The following JAK2 variants were observed in gnomAD, a reference collection of about 807,000 sequenced individuals.
The protein encoded by JAK2 is tyrosine-protein kinase JAK2.
Under a neutral mutation model 139.3 loss-of-function variants are expected in JAK2, and 86 were observed. The ratio of observed to expected loss-of-function variants is 0.62; its 90% CI spans 0.52 to 0.74. JAK2 has a LOEUF of 0.74. Among genes scored for constraint, JAK2 ranks in the 30% least tolerant of loss-of-function variants. The pLI, the probability that JAK2 is intolerant of heterozygous loss-of-function variation, is 0.00. For missense variants in JAK2, 1,421 were observed against 1,360.3 expected (o/e 1.04, Z -0.70); for synonymous variants, 490 against 437.7 (o/e 1.12, Z -1.49).
intron 19 of JAK2, chr9:5,085,068 GCT>G (rs562519240): frequency 1.1e-5 from 8 of 698,642 alleles, no homozygotes; most frequent in Non-Finnish European, 1.8e-5. Flanking sequence ...GAAGTTTACT[GCT>G]CTCTCTTATT....
chr9:5,069,555 G>A (rs1426835464), intron 11 of JAK2, among the ~76,000 whole-genome samples: 2 of 152,016 alleles, frequency 1.3e-5, no homozygotes, highest in South Asian at 2.1e-4. Context: ...TAAAAATAAA[G>A]ACAGTAAAGT....
At chr9:5,038,459 A>T (rs1203241384) in intron 4 of JAK2, among the ~76,000 whole-genome samples, 2 of 152,176 alleles carry the variant, frequency 1.3e-5, no homozygotes, top group Non-Finnish European at 2.9e-5. Flanking sequence ...TCAGACAAAG[A>T]TGTCTAGAAG....
In JAK2 at chr9:5,121,122, T is replaced by C. The variant is rs1433175564; in HGVS notation, c.3060-1882T>C. Among the ~76,000 whole-genome samples the C allele has an allele frequency of 5.3e-5, 8 of 152,162 alleles. No individual in the cohort carries two copies. In the East Asian group the frequency reaches 1.5e-3, roughly 29 times the overall value. On this transcript the variant is annotated intron_variant, in intron 22 of 24. Coordinates refer to ENST00000381652, the MANE Select transcript of JAK2 (RefSeq NM_004972.4). Reference sequence around the variant, plus strand: ...AAGAGGCAGAATAGTAGTAGTAGTGTTGGGAAAGTATAATTGAAAACAAAA... The same window carrying C: ...AAGAGGCAGAATAGTAGTAGTAGTGCTGGGAAAGTATAATTGAAAACAAAA...
intron 22 of JAK2, chr9:5,099,281 G>C (rs1229336726): frequency 6.6e-6 from 1 of 152,068 alleles, no homozygotes; most frequent in Non-Finnish European, 1.5e-5. Flanking sequence ...TATTGTCCTA[G>C]AACTAATCCT....
At chr9:4,987,855 G>A (rs1010670245) in intron 2 of JAK2, among the ~76,000 whole-genome samples, 1 of 152,150 alleles carries the variant, frequency 6.6e-6, no homozygotes, top group Non-Finnish European at 1.5e-5. Context: ...TAAACTGCCT[G>A]GCTGTCATAA....
In JAK2 at chr9:5,055,749, C is replaced by G. The variant is rs1449120929; in HGVS notation, c.1017C>G (p.Ser339Arg). 1.9e-6 allele frequency: 3 copies of G among 1,610,326 alleles called. No homozygotes were observed. The highest frequency in any genetic ancestry group is 2.5e-6 in the Non-Finnish European group (3 of 1,177,496). The stretch of plus-strand genomic sequence containing the variant: ...CAAACCAAGAGGGTTCAAATGAAAG[C>G]CGAGTTGTAACTATCCATAAGCAAG... ...KQANQEGSNE[S>R]RVVTIHKQDG... The change falls in exon 8 of 25, where the codon AGC becomes AGG. Residue 339 changes from serine to arginine, a missense_variant. By Grantham distance (110) the Ser-to-Arg change is moderately radical. Transcript: ENST00000381652.
intron 22 of JAK2, among the ~76,000 whole-genome samples, chr9:5,105,116 A>T (rs1821845166): frequency 6.6e-6 from 1 of 152,224 alleles, no homozygotes; most frequent in South Asian, 2.1e-4. Flanking sequence ...AGGAAGTCAA[A>T]TTGTCCCTGT....
At chr9:5,036,576 A>T (rs1459832823) in intron 4 of JAK2, among the ~76,000 whole-genome samples, 1 of 152,236 alleles carries the variant, frequency 6.6e-6, no homozygotes, top group Non-Finnish European at 1.5e-5. Flanking sequence ...CAACCATCTG[A>T]TCTTTGACAA....
At chr9:5,060,329 A>G (rs1818078310) in intron 8 of JAK2, among the ~76,000 whole-genome samples, 1 of 152,106 alleles carries the variant, frequency 6.6e-6, no homozygotes, top group Admixed American at 6.6e-5. Context: ...TAGACTCTTC[A>G]TTTCGTTAAA....
At chr9:5,015,086 T>C (rs1241342192) in intron 2 of JAK2, among the ~76,000 whole-genome samples, 2 of 152,248 alleles carry the variant, frequency 1.3e-5, no homozygotes, top group Non-Finnish European at 2.9e-5. Flanking sequence ...TTTTAAGATT[T>C]ATCCATGTTG....
chr9:5,110,011 T>C (rs1273325250), intron 22 of JAK2: 1 of 152,234 alleles, frequency 6.6e-6, no homozygotes, highest in Admixed American at 6.5e-5. Flanking sequence ...ATTGGTTTTA[T>C]TTTAGTTATA....
At chr9:4,988,116 C>G (rs1307272093) in intron 2 of JAK2, among the ~76,000 whole-genome samples, 1 of 152,176 alleles carries the variant, frequency 6.6e-6, no homozygotes, top group Non-Finnish European at 1.5e-5. Flanking sequence ...GTTAACTGTG[C>G]TAAGACCTTT....
intron 22 of JAK2, among the ~76,000 whole-genome samples, chr9:5,121,974 C>T (rs971749885): frequency 6.6e-6 from 1 of 152,058 alleles, no homozygotes; most frequent in African/African-American, 2.4e-5. Context: ...TTGATAATAA[C>T]ATAACTAGAT....
chr9:5,058,201 T>C (rs1001943089), intron 8 of JAK2, among the ~76,000 whole-genome samples: 3 of 152,208 alleles, frequency 2.0e-5, no homozygotes, highest in African/African-American at 7.2e-5. Context: ...TTTGGATATA[T>C]ACCTTCTATT....
intron 22 of JAK2, among the ~76,000 whole-genome samples, chr9:5,092,105 C>T (rs1173289106): frequency 6.6e-6 from 1 of 152,016 alleles, no homozygotes; most frequent in Non-Finnish European, 1.5e-5. Context: ...AAAGTAAGCA[C>T]AAGTAAATAC....
intron 22 of JAK2, among the ~76,000 whole-genome samples, chr9:5,106,857 C>T (rs560092330): frequency 6.6e-6 from 1 of 152,216 alleles, no homozygotes; most frequent in East Asian, 1.9e-4. Flanking sequence ...AATGAGAACA[C>T]TTGGACACAT....
intron 10 of JAK2, among the ~76,000 whole-genome samples, chr9:5,067,655 A>AAT (rs1457051894): frequency 4.6e-5 from 7 of 151,574 alleles, no homozygotes; most frequent in East Asian, 1.9e-4. Context: ...AATTCAAAAA[A>AAT]ATATATATAT....
At chr9:4,998,220 G>T (rs575316745) in intron 2 of JAK2, among the ~76,000 whole-genome samples, 10 of 151,992 alleles carry the variant, frequency 6.6e-5, no homozygotes, top group Non-Finnish European at 1.3e-4. Flanking sequence ...TGATGGTATT[G>T]AAATGAGATC....
intron 2 of JAK2, among the ~76,000 whole-genome samples, chr9:5,016,303 G>A (rs933039477): frequency 1.6e-4 from 25 of 152,258 alleles, no homozygotes; most frequent in African/African-American, 5.8e-4. Flanking sequence ...TTAACCTGCT[G>A]TTATAAGACC....
Sources: allele counts gnomAD v4.1 joint callset (sites outside exome capture counted in the v4.1 genomes callset), GRCh38; gene constraint gnomAD v4.1.1; transcripts MANE v1.5; gene names NCBI Gene and HGNC (gene_info 2026-07-23, HGNC 2026-07-21).